GRK3: variants seen among roughly 807,000 people sequenced by gnomAD.
The protein encoded by GRK3 is adrenergic, beta, receptor kinase 2.
In GRK3, 54 loss-of-function variants were observed where a neutral mutation model predicts 95.7. The ratio of observed to expected loss-of-function variants is 0.56; its 90% CI spans 0.45 to 0.71. The LOEUF is 0.71. Among genes scored for constraint, GRK3 ranks in the 30% least tolerant of loss-of-function variants. The pLI is 0.00. For synonymous variants in GRK3, 281 were observed against 290.8 expected, an observed-to-expected ratio of 0.97 and a Z score of 0.34; for missense variants, 649 against 851.2, an observed-to-expected ratio of 0.76 and a Z score of 2.96.
intron 18 of GRK3, 57 bp from the exon 19 acceptor site, chr22:25,718,188 T>C (rs1418719587): frequency 1.2e-5 from 19 of 1,559,148 alleles, no homozygotes; most frequent in Non-Finnish European, 1.7e-5. Context: ...AGAATAATGC[T>C]GCTAAGACAT....
At chr22:25,611,996 C>A (rs1235400794) in intron 2 of GRK3, among the ~76,000 whole-genome samples, 2 of 151,996 alleles carry the variant, frequency 1.3e-5, no homozygotes, top group African/African-American at 2.4e-5. Flanking sequence ...CCACACCCAG[C>A]TAATTTTTTA....
At chr22:25,642,257 A>C (rs1569176051) in intron 2 of GRK3, among the ~76,000 whole-genome samples, 1 of 151,996 alleles carries the variant, frequency 6.6e-6, no homozygotes, top group Non-Finnish European at 1.5e-5. Flanking sequence ...ACATGGTGAA[A>C]CCCCGTATCT....
At chr22:25,601,406 T>C (rs772957925) in intron 1 of GRK3, among the ~76,000 whole-genome samples, 11 of 152,172 alleles carry the variant, frequency 7.2e-5, no homozygotes, top group Non-Finnish European at 1.5e-4. Context: ...ATTTCTAAAT[T>C]ACTCATAGGT....
At chr22:25,687,801 A>G (rs1348033981) in intron 11 of GRK3, 134 bp downstream of exon 11, 11 of 971,226 alleles carry the variant, frequency 1.1e-5, no homozygotes, top group Non-Finnish European at 1.5e-5. Context: ...GTCATTAGCT[A>G]TATGACATTT....
chr22:25,593,749 C>CT (rs906507613), intron 1 of GRK3, among the ~76,000 whole-genome samples: 17 of 151,662 alleles, frequency 1.1e-4, no homozygotes, highest in East Asian at 5.8e-4. Context: ...CTTTTGAGGA[C>CT]TTTTTTTTGC....
At chr22:25,673,096 C>T (rs1202039481) in intron 7 of GRK3, among the ~76,000 whole-genome samples, 1 of 137,250 alleles carries the variant, frequency 7.3e-6, no homozygotes, top group African/African-American at 2.7e-5. Flanking sequence ...GAGTCTCGCT[C>T]TGTCGCCCAG....
chr22:25,721,827 T>C (rs960136709), intron 20 of GRK3, among the ~76,000 whole-genome samples: 3 of 152,236 alleles, frequency 2.0e-5, no homozygotes, highest in African/African-American at 7.2e-5. Context: ...ACTTTGTGAC[T>C]GGTTCACTAG....
At chr22:25,719,679 C>G (rs1465995929) in intron 19 of GRK3, among the ~76,000 whole-genome samples, 1 of 123,934 alleles carries the variant, frequency 8.1e-6, no homozygotes, top group Non-Finnish European at 1.6e-5. Flanking sequence ...TGGAAGGCAT[C>G]TTTTCTTTTC....
intron 11 of GRK3, among the ~76,000 whole-genome samples, chr22:25,688,548 T>C (rs2085140383): frequency 6.6e-6 from 1 of 152,236 alleles, no homozygotes; most frequent in Non-Finnish European, 1.5e-5. Flanking sequence ...TGAGATTGCC[T>C]TAAAAATCAC....
intron 1 of GRK3, among the ~76,000 whole-genome samples, chr22:25,575,187 T>C (rs1435837995): frequency 1.3e-5 from 2 of 152,232 alleles, no homozygotes; most frequent in African/African-American, 4.8e-5. Flanking sequence ...ACCTGCTTGA[T>C]GCTGGATTGA....
intron 1 of GRK3, among the ~76,000 whole-genome samples, chr22:25,589,182 T>C (rs1259073615): frequency 7.2e-5 from 11 of 152,236 alleles, no homozygotes; most frequent in Non-Finnish European, 8.8e-5. Flanking sequence ...AATATTTGCT[T>C]AAATGCATTT....
intron 3 of GRK3, among the ~76,000 whole-genome samples, chr22:25,656,648 C>T (rs1005062992): frequency 2.6e-5 from 4 of 152,170 alleles, no homozygotes; most frequent in African/African-American, 9.7e-5. Context: ...ATTTATTAAA[C>T]ACCAACATTA....
chr22:25,625,487 G>A (rs1002851689), intron 2 of GRK3, among the ~76,000 whole-genome samples: 3 of 152,146 alleles, frequency 2.0e-5, no homozygotes, highest in Non-Finnish European at 2.9e-5. Flanking sequence ...GTTGCCAGGC[G>A]GACCGTGGTC....
rs182192283 is a variant in GRK3 at position 25,608,403 on chromosome 22, G to A, written c.190+3950G>A. On this transcript the variant is annotated intron_variant, in intron 2 of 20. Transcript: ENST00000324198. Reference sequence around the variant, plus strand: ...GGTGCAGCCTCATGACCCTTGCCTCGTGGTGTTGCCCCCATGCGTAACATG... The same window carrying A: ...GGTGCAGCCTCATGACCCTTGCCTCATGGTGTTGCCCCCATGCGTAACATG... Among the ~76,000 whole-genome samples the A allele has an allele frequency of 1.7e-4, 26 of 152,234 alleles. No individual in the cohort carries two copies. In the East Asian group the frequency reaches 4.4e-3, roughly 26 times the overall value.
At chr22:25,627,510 A>G (rs374758165) in intron 2 of GRK3, among the ~76,000 whole-genome samples, 5 of 152,192 alleles carry the variant, frequency 3.3e-5, no homozygotes, top group African/African-American at 1.2e-4. Flanking sequence ...TCCTGACTCT[A>G]TAGCCCGTTA....
chr22:25,637,931 T>A (rs1223510397), intron 2 of GRK3, among the ~76,000 whole-genome samples: 1 of 152,202 alleles, frequency 6.6e-6, no homozygotes, highest in African/African-American at 2.4e-5. Context: ...TTTTGTTCTG[T>A]TCAGGCTTTC....
intron 1 of GRK3, among the ~76,000 whole-genome samples, chr22:25,592,960 G>A (rs111929865): frequency 0.024 from 3,675 of 152,144 alleles, 47 homozygotes; most frequent in East Asian, 0.037. Flanking sequence ...ATCACCTACC[G>A]CTGCATTCAC....
At chr22:25,712,040 G>A (rs1185081127) in intron 17 of GRK3, among the ~76,000 whole-genome samples, 2 of 152,232 alleles carry the variant, frequency 1.3e-5, no homozygotes, top group Admixed American at 1.3e-4. Flanking sequence ...TAAATGGCTG[G>A]AGGAAGATGG....
chr22:25,600,172 A>T lies in GRK3; in HGVS notation c.114-4205A>T, dbSNP rs562919219. 7.9e-5 allele frequency among the ~76,000 whole-genome samples: 11 copies of T among 140,126 alleles called. No individual in the cohort carries two copies. The South Asian group carries it at 2.5e-3, about 32-fold the overall frequency. The allele number at this position is 140,126 out of a possible 152,430, so 91.9% of individuals were successfully genotyped here. On this transcript the variant is annotated intron_variant, in intron 1 of 20. Coordinates refer to ENST00000324198, the MANE Select transcript of GRK3 (RefSeq NM_005160.4). ...GTTTTTTTTTTTTTTTTTGAGATGG[A>T]GTCTTGCTCTGTCACCCAGGCTGCA...
Sources: allele counts gnomAD v4.1 joint callset (sites outside exome capture counted in the v4.1 genomes callset), GRCh38; gene constraint gnomAD v4.1.1; transcripts MANE v1.5; gene names NCBI Gene and HGNC (gene_info 2026-07-23, HGNC 2026-07-21).